Variants in CHM observed in about 807,000 individuals in gnomAD.
The protein encoded by CHM is CHM Rab escort protein, also known as rab proteins geranylgeranyltransferase component A 1.
A neutral mutation model predicts 49.0 loss-of-function variants in CHM; 10 were observed. That is an observed-to-expected ratio of 0.20 (90% confidence interval 0.13 to 0.35). The LOEUF is 0.35. Among genes scored for constraint, CHM ranks in the 10% least tolerant of loss-of-function variants. CHM has a pLI of 1.00. For synonymous variants in CHM, 184 were observed against 167.5 expected (o/e 1.10, Z -0.76); for missense variants, 455 against 478.4 (o/e 0.95, Z 0.46).
intron 1 of CHM, among the ~76,000 whole-genome samples, chrX:86,035,186 T>C (rs764652741): frequency 7.1e-5 from 8 of 111,940 alleles, no homozygotes; most frequent in African/African-American, 2.6e-4. Flanking sequence ...TCCTTCCTAT[T>C]GAAAACAAAA....
chrX:86,022,321 G>A (rs1933641284), intron 2 of CHM, among the ~76,000 whole-genome samples: 1 of 111,864 alleles, frequency 8.9e-6, no homozygotes, highest in African/African-American at 3.2e-5. Context: ...ACCTGATGAA[G>A]AGTCTTAAAT....
At chrX:85,924,471 C>T (rs1444786993) in intron 8 of CHM, among the ~76,000 whole-genome samples, 2 of 111,752 alleles carry the variant, frequency 1.8e-5, no homozygotes, top group South Asian at 7.5e-4. Flanking sequence ...TCTTCCTATA[C>T]AAGTATTGCT....
intron 8 of CHM, among the ~76,000 whole-genome samples, chrX:85,922,038 T>C (rs1436910212): frequency 1.8e-5 from 2 of 112,154 alleles, no homozygotes; most frequent in African/African-American, 6.5e-5. Context: ...TTTACACACA[T>C]ATGCATGAAC....
chrX:85,973,592 G>A (rs1486184339), intron 4 of CHM, among the ~76,000 whole-genome samples: 1 of 111,170 alleles, frequency 9.0e-6, no homozygotes, highest in African/African-American at 3.3e-5. Flanking sequence ...TAAACTCTTG[G>A]CATGAATGAT....
intron 8 of CHM, among the ~76,000 whole-genome samples, chrX:85,934,144 T>C (rs1297744967): frequency 5.5e-5 from 6 of 109,192 alleles, no homozygotes; most frequent in African/African-American, 1.3e-4. Flanking sequence ...CTACACCAGT[T>C]TAATTTTTTG....
chrX:85,869,611 T>C (rs1340723569), intron 14 of CHM, among the ~76,000 whole-genome samples: 1 of 111,707 alleles, frequency 9.0e-6, no homozygotes, highest in African/African-American at 3.3e-5. Flanking sequence ...CAATTTCCAA[T>C]AGCCAGACTC....
chrX:85,971,195 T>A lies in CHM; in HGVS notation c.315-7143A>T, dbSNP rs751524566. The A allele has an allele frequency of 9.8e-5, 74 of 753,471 alleles. No homozygotes were observed. In the East Asian group the frequency reaches 5.9e-3, roughly 60 times the overall value. 62.1% of individuals were successfully genotyped at this position (753,471 alleles called of 1,213,427 possible). A position where few individuals can be genotyped will look rare whatever the true frequency, so the allele number is the denominator to read the frequency against. On this transcript the variant is annotated intron_variant, in intron 4 of 14. Coordinates refer to ENST00000357749, the MANE Select transcript of CHM (RefSeq NM_000390.4). Reference sequence around the variant, plus strand: ...AGCAGTGGTAATGGGTTTGCACTAATCCATTTGAATTCTCGCCTAGTCCTC... The same window carrying A: ...AGCAGTGGTAATGGGTTTGCACTAAACCATTTGAATTCTCGCCTAGTCCTC...
At chrX:86,044,860 C>A (rs1256860798) in intron 1 of CHM, among the ~76,000 whole-genome samples, 1 of 111,625 alleles carries the variant, frequency 9.0e-6, no homozygotes, top group South Asian at 3.8e-4. Flanking sequence ...TTAGCTTACT[C>A]TTCTGTCTTT....
rs774398180 is a variant in CHM at position 85,973,948 on chromosome X, A to G, written c.314+4819T>C. 2.7e-5 allele frequency among the ~76,000 whole-genome samples: 3 copies of G among 112,286 alleles called. No homozygotes were observed. The East Asian group carries it at 8.4e-4, about 31-fold the overall frequency. ...AAAAGCAGCCAGTGAAAAGAAAGGC[A>G]TAAAACTTTTCCTCTTTACTGTACA... On this transcript the variant is annotated intron_variant, in intron 4 of 14. Transcript: ENST00000357749.
At chrX:85,922,081 G>A (rs1296026660) in intron 8 of CHM, among the ~76,000 whole-genome samples, 2 of 111,909 alleles carry the variant, frequency 1.8e-5, no homozygotes, top group African/African-American at 6.5e-5. Context: ...GATGGTCTTA[G>A]TGCTGTTTAC....
At chrX:85,992,564 T>C (rs1480402517) in intron 2 of CHM, among the ~76,000 whole-genome samples, 1 of 111,400 alleles carries the variant, frequency 9.0e-6, no homozygotes, top group Non-Finnish European at 1.9e-5. Context: ...ACACAAATTC[T>C]CATTTACTGT....
At chrX:85,965,858 G>A (rs5968758) in intron 4 of CHM, among the ~76,000 whole-genome samples, 10 of 111,192 alleles carry the variant, frequency 9.0e-5, no homozygotes, top group Middle Eastern at 9.3e-3. Context: ...GGAAACCAAA[G>A]TGAGGAAAAC....
chrX:85,999,046 A>AT (rs1391710992), intron 2 of CHM, among the ~76,000 whole-genome samples: 2 of 111,081 alleles, frequency 1.8e-5, no homozygotes, highest in Non-Finnish European at 3.8e-5. Context: ...ATAATTGGTC[A>AT]TTTTTCTTTA....
chrX:86,013,845 TAGCTA>T (rs1275978618), intron 2 of CHM, among the ~76,000 whole-genome samples: 1 of 111,191 alleles, frequency 9.0e-6, no homozygotes, highest in Non-Finnish European at 1.9e-5. Flanking sequence ...ATAAAAATGA[TAGCTA>T]AGTTAAAATC....
intron 11 of CHM, among the ~76,000 whole-genome samples, chrX:85,897,306 C>CGTGTGTGT (rs533191230): frequency 3.1e-4 from 24 of 76,502 alleles, no homozygotes; most frequent in African/African-American, 9.1e-4. Context: ...CTTGTGTGTG[C>CGTGTGTGT]GTGTGTGTGT....
At chrX:85,911,210 T>C (rs768965439) in intron 9 of CHM, 51 bp downstream of exon 9, 7 of 114,501 alleles carry the variant, frequency 6.1e-5, no homozygotes, top group Non-Finnish European at 1.1e-4. Context: ...TGAATATATA[T>C]ATATGAATAT....
At chrX:85,946,073 C>A (rs191430498) in intron 8 of CHM, among the ~76,000 whole-genome samples, 1 of 112,366 alleles carries the variant, frequency 8.9e-6, no homozygotes, top group East Asian at 2.8e-4. Flanking sequence ...CCAGATGTGA[C>A]CTGGCTGCTT....
chrX:85,862,644 G>T lies in CHM; in HGVS notation c.*1986C>A, dbSNP rs1371824010. On this transcript the variant is annotated 3_prime_UTR_variant, in exon 15 of 15. Coordinates refer to ENST00000357749, the MANE Select transcript of CHM (RefSeq NM_000390.4). ...AAAGGGGACTAAAGAGATGGGGAGGGGCTGTACACTGGGAGGTAGGGATAG... is the reference window on the plus strand; with the variant it reads ...AAAGGGGACTAAAGAGATGGGGAGGTGCTGTACACTGGGAGGTAGGGATAG... 1 of 111,855 alleles carries T rather than the reference G, an allele frequency of 8.9e-6. No individual in the cohort carries two copies. The highest frequency in any genetic ancestry group is 1.9e-5 in the Non-Finnish European group (1 of 53,194). The allele number at this position is 111,855 out of a possible 1,213,427, so 9.2% of individuals were successfully genotyped here.
At chrX:85,865,098 T>C (rs73521961) in intron 14 of CHM, among the ~76,000 whole-genome samples, 6,720 of 111,219 alleles carry the variant, frequency 0.06, 459 homozygotes, top group African/African-American at 0.2. Context: ...AGAACTGAAA[T>C]ACATTCATTC....
Sources: allele counts gnomAD v4.1 joint callset (sites outside exome capture counted in the v4.1 genomes callset), GRCh38; gene constraint gnomAD v4.1.1; transcripts MANE v1.5; gene names NCBI Gene and HGNC (gene_info 2026-07-23, HGNC 2026-07-21).